The following ST6GALNAC3 variants were observed in gnomAD, a reference collection of about 807,000 sequenced individuals.
ST6GALNAC3 encodes alpha-N-acetylgalactosaminide alpha-2,6-sialyltransferase 3.
In ST6GALNAC3, 25 loss-of-function variants were observed where a neutral mutation model predicts 32.7. The ratio of observed to expected loss-of-function variants is 0.76; its 90% CI spans 0.56 to 1.07. The LOEUF is 1.07. ST6GALNAC3 is among the 50% of genes least tolerant of loss of function. The pLI, the probability that ST6GALNAC3 is intolerant of heterozygous loss-of-function variation, is 0.00. For synonymous variants in ST6GALNAC3, 129 were observed against 133.1 expected (o/e 0.97, Z 0.21); for missense variants, 355 against 382.4 (o/e 0.93, Z 0.60).
chr1:76,465,300 T>G (rs1028654665), intron 3 of ST6GALNAC3, among the ~76,000 whole-genome samples: 8 of 152,202 alleles, frequency 5.3e-5, no homozygotes, highest in Non-Finnish European at 1.2e-4. Flanking sequence ...CTGAGTCACT[T>G]CTGTGCAGTT....
intron 3 of ST6GALNAC3, among the ~76,000 whole-genome samples, chr1:76,581,139 A>G (rs907123381): frequency 6.6e-6 from 1 of 152,102 alleles, no homozygotes; most frequent in Admixed American, 6.6e-5. Flanking sequence ...ACCACTAAAT[A>G]TTGTTTTTTA....
intron 1 of ST6GALNAC3, among the ~76,000 whole-genome samples, chr1:76,255,650 C>G (rs1261718150): frequency 1.3e-5 from 2 of 152,122 alleles, no homozygotes; most frequent in East Asian, 3.9e-4. Flanking sequence ...GTCTTATGCC[C>G]TATATGTTTC....
rs1571159508 is a variant in ST6GALNAC3, at chr1:76,105,245, GAA to G, written c.18+30362_18+30363del. 3.9e-5 allele frequency among the ~76,000 whole-genome samples: 6 copies of G among 152,110 alleles called. No individual in the cohort carries two copies. In the South Asian group the frequency reaches 6.2e-4, roughly 16 times the overall value. ...GCATGGAAATATTCACAACCTATAA[GAA>G]GAGAAAGTTTTAAAGCAAGGCAATA... On this transcript the variant is annotated intron_variant, in intron 1 of 4. Transcript: ENST00000328299.
intron 1 of ST6GALNAC3, among the ~76,000 whole-genome samples, chr1:76,242,610 C>T (rs1216503155): frequency 6.6e-6 from 1 of 152,090 alleles, no homozygotes; most frequent in Admixed American, 6.6e-5. Context: ...CCCCTTTCCC[C>T]TCACCCTGCA....
chr1:76,112,035 C>T (rs1415434064), intron 1 of ST6GALNAC3, among the ~76,000 whole-genome samples: 2 of 150,984 alleles, frequency 1.3e-5, no homozygotes, highest in Non-Finnish European at 3.0e-5. Flanking sequence ...GCGCCCCTCA[C>T]CTCCCGGATG....
At chr1:76,136,577 G>GCT (rs1258271504) in intron 1 of ST6GALNAC3, among the ~76,000 whole-genome samples, 42 of 152,176 alleles carry the variant, frequency 2.8e-4, no homozygotes, top group African/African-American at 9.2e-4. Flanking sequence ...GTGTGTGTGT[G>GCT]CATAAAATAT....
At chr1:76,238,714 T>C (rs74696232) in intron 1 of ST6GALNAC3, among the ~76,000 whole-genome samples, 387 of 152,174 alleles carry the variant, frequency 2.5e-3, no homozygotes, top group Non-Finnish European at 4.5e-3. Flanking sequence ...GGACTTCAAT[T>C]ATACAGTAAG....
intron 2 of ST6GALNAC3, among the ~76,000 whole-genome samples, chr1:76,317,680 G>A (rs1646890937): frequency 6.6e-6 from 1 of 152,094 alleles, no homozygotes; most frequent in African/African-American, 2.4e-5. Flanking sequence ...TCCAGACCTA[G>A]AGCATCTGCA....
intron 2 of ST6GALNAC3, among the ~76,000 whole-genome samples, chr1:76,319,301 T>A (rs1049291908): frequency 6.6e-6 from 1 of 152,138 alleles, no homozygotes; most frequent in Non-Finnish European, 1.5e-5. Flanking sequence ...CATACTGACT[T>A]ACTCGACAAT....
chr1:76,508,050 G>C (rs1025313723), intron 3 of ST6GALNAC3, among the ~76,000 whole-genome samples: 14 of 152,144 alleles, frequency 9.2e-5, no homozygotes, highest in Admixed American at 5.2e-4. Flanking sequence ...GTCTTTTCAT[G>C]TGCTTATTGG....
intron 3 of ST6GALNAC3, among the ~76,000 whole-genome samples, chr1:76,475,770 A>G (rs991097050): frequency 3.3e-5 from 5 of 152,148 alleles, no homozygotes; most frequent in African/African-American, 1.2e-4. Context: ...CCACATAGGC[A>G]TACACGTGGC....
At chr1:76,581,409 T>TTA (rs1646890025) in intron 3 of ST6GALNAC3, among the ~76,000 whole-genome samples, 1 of 152,178 alleles carries the variant, frequency 6.6e-6, no homozygotes, top group African/African-American at 2.4e-5. Context: ...TATAATAAAA[T>TTA]TATCTATTCA....
At chr1:76,607,808 G>A (rs1647660907) in intron 3 of ST6GALNAC3, among the ~76,000 whole-genome samples, 1 of 152,158 alleles carries the variant, frequency 6.6e-6, no homozygotes, top group South Asian at 2.1e-4. Flanking sequence ...CAGTACCTGT[G>A]TGTAGGGGAC....
At chr1:76,450,856 A>G (rs1657343334) in intron 3 of ST6GALNAC3, among the ~76,000 whole-genome samples, 1 of 152,028 alleles carries the variant, frequency 6.6e-6, no homozygotes, top group African/African-American at 2.4e-5. Flanking sequence ...GATCAGTTGG[A>G]TGTAAGTATT....
intron 3 of ST6GALNAC3, among the ~76,000 whole-genome samples, chr1:76,559,135 C>A (rs1430541888): frequency 6.6e-6 from 1 of 151,890 alleles, no homozygotes; most frequent in African/African-American, 2.4e-5. Context: ...AAGTTTGTAA[C>A]CCTTGGTAAG....
At chr1:76,500,477 C>A (rs1401625017) in intron 3 of ST6GALNAC3, among the ~76,000 whole-genome samples, 3 of 152,164 alleles carry the variant, frequency 2.0e-5, no homozygotes, top group Non-Finnish European at 4.4e-5. Context: ...CACAACACAA[C>A]TACTTATTCT....
At chr1:76,540,729 A>T (rs1663939507) in intron 3 of ST6GALNAC3, among the ~76,000 whole-genome samples, 1 of 152,198 alleles carries the variant, frequency 6.6e-6, no homozygotes, top group South Asian at 2.1e-4. Context: ...GATAATATTT[A>T]GAAAGGCAAT....
intron 1 of ST6GALNAC3, among the ~76,000 whole-genome samples, chr1:76,185,725 C>T (rs1044979017): frequency 3.3e-5 from 5 of 152,192 alleles, no homozygotes; most frequent in African/African-American, 1.2e-4. Flanking sequence ...ACAGACCAGA[C>T]ATGGTCCCTG....
chr1:76,102,170 T>G (rs1353693968), intron 1 of ST6GALNAC3, among the ~76,000 whole-genome samples: 1 of 152,090 alleles, frequency 6.6e-6, no homozygotes, highest in African/African-American at 2.4e-5. Flanking sequence ...TGCCTTACAG[T>G]CTATCTTATC....
Sources: gnomAD v4.1 joint callset for allele counts (sites outside exome capture counted in the v4.1 genomes callset) on GRCh38, gnomAD v4.1.1 for gene constraint, MANE v1.5 for transcripts, NCBI Gene and HGNC (gene_info 2026-07-23, HGNC 2026-07-21) for gene names.